C12orf56: variants seen among roughly 807,000 people sequenced by gnomAD.
C12orf56 encodes chromosome 12 open reading frame 56.
Under a neutral mutation model 69.9 loss-of-function variants are expected in C12orf56, and 71 were observed. That is an observed-to-expected ratio of 1.02 (90% CI 0.84 to 1.24). C12orf56 has a LOEUF of 1.24. Among genes scored for constraint, C12orf56 ranks in the 50% most tolerant of loss-of-function variants. The probability of loss-of-function intolerance (pLI) is 0.00; values close to 1 mark genes in which losing one functional copy is unlikely to be tolerated. For missense variants in C12orf56, 732 were observed against 738.5 expected (o/e 0.99, Z 0.10); for synonymous variants, 276 against 274.1 (o/e 1.01, Z -0.07).
At chr12:64,306,497 T>G (rs1178747435) in intron 5 of C12orf56, among the ~76,000 whole-genome samples, 3 of 150,300 alleles carry the variant, frequency 2.0e-5, no homozygotes, top group African/African-American at 4.9e-5. Flanking sequence ...CTCCTGAGAG[T>G]AGCTGGGACT....
intron 10 of C12orf56, 149 bp downstream of exon 10, chr12:64,275,149 G>T: frequency 1.3e-6 from 1 of 752,850 alleles, no homozygotes; most frequent in Non-Finnish European, 2.1e-6. Flanking sequence ...AAATCAACCA[G>T]TTTTGGAGAC....
chr12:64,321,427 A>C (rs2038771102), intron 3 of C12orf56, among the ~76,000 whole-genome samples: 1 of 152,116 alleles, frequency 6.6e-6, no homozygotes, highest in Non-Finnish European at 1.5e-5. Context: ...CTCCTGCCTC[A>C]GTCTCCCAAA....
chr12:64,390,681 C>G lies in C12orf56; in HGVS notation c.-116G>C, dbSNP rs2039858673. 7.5e-7 allele frequency: 1 copy of G among 1,341,716 alleles called. No individual in the cohort carries two copies. The allele number at this position is 1,341,716 out of a possible 1,614,324, so 83.1% of individuals were successfully genotyped here. On this transcript the variant is annotated 5_prime_UTR_variant, in exon 1 of 13. Coordinates refer to ENST00000543942, the MANE Select transcript of C12orf56 (RefSeq NM_001170633.2). ...AGCCGCCGGCCACGCGTCGCCTCCT[C>G]TCCAGGCGCGGGGACCCGGGCCGCA...
Position 64,267,274 on chromosome 12 carries a change from A to G in C12orf56, c.1778T>C (p.Met593Thr). ...TGGGAGCCTTTTCTGCAAGGCTGGCATGTGAATAAAGTACCTGCAAATCAT... is the reference window on the plus strand; with the variant it reads ...TGGGAGCCTTTTCTGCAAGGCTGGCGTGTGAATAAAGTACCTGCAAATCAT... ...YREEFRYFIH[M>T]PALQKRLPLC... Residue 593 changes from methionine (M) to threonine (T), a missense_variant, in exon 13 of 13, where the codon ATG becomes ACG. Physicochemically the swap from Met to Thr is moderately conservative, Grantham distance 81 (BLOSUM62 -1). Transcript: ENST00000543942. 1 of 1,609,726 alleles carries G rather than the reference A, an allele frequency of 6.2e-7. No individual in the cohort carries two copies. The highest frequency in any genetic ancestry group is 8.5e-7 in the Non-Finnish European group (1 of 1,178,092).
chr12:64,305,458 C>T (rs1306475078), intron 5 of C12orf56, among the ~76,000 whole-genome samples: 2 of 152,026 alleles, frequency 1.3e-5, no homozygotes, highest in Non-Finnish European at 2.9e-5. Flanking sequence ...CTTGGCTCAC[C>T]GCAACCTCCG....
At chr12:64,346,246 C>T (rs185265757) in intron 2 of C12orf56, among the ~76,000 whole-genome samples, 111 of 152,136 alleles carry the variant, frequency 7.3e-4, no homozygotes, top group African/African-American at 2.4e-3. Context: ...ACCTGGAGCC[C>T]GACGTTCGAG....
At chr12:64,284,815 A>T (rs1036432577) in intron 7 of C12orf56, 62 bp from the exon 8 acceptor site, 1 of 1,302,654 alleles carries the variant, frequency 7.7e-7, no homozygotes, top group African/African-American at 1.5e-5. Context: ...TCAGAATTCC[A>T]CAAAAGTAGT....
intron 1 of C12orf56, among the ~76,000 whole-genome samples, chr12:64,356,647 CA>C (rs1345071973): frequency 1.3e-5 from 2 of 152,048 alleles, no homozygotes; most frequent in African/African-American, 4.8e-5. Context: ...AGCAGGTGAC[CA>C]GGGGTGACTC....
At chr12:64,324,152 T>C (rs2038808379) in intron 3 of C12orf56, among the ~76,000 whole-genome samples, 2 of 152,208 alleles carry the variant, frequency 1.3e-5, no homozygotes, top group African/African-American at 4.8e-5. Flanking sequence ...GCCAATATTA[T>C]GCAAGCCAGG....
intron 2 of C12orf56, among the ~76,000 whole-genome samples, chr12:64,342,873 A>G (rs1317515100): frequency 6.6e-6 from 1 of 152,204 alleles, no homozygotes; most frequent in African/African-American, 2.4e-5. Flanking sequence ...AAAGGCTCCA[A>G]ACAGCATCTC....
rs1173115434 is a variant in C12orf56 at position 64,312,585 on chromosome 12, G to C, written c.968+94C>G. 4.3e-6 allele frequency: 4 copies of C among 933,644 alleles called. No homozygotes were observed. In the African/African-American group the frequency reaches 6.6e-5, roughly 15 times the overall value. The allele number at this position is 933,644 out of a possible 1,614,324, so 57.8% of individuals were successfully genotyped here. A position where few individuals can be genotyped will look rare whatever the true frequency, so the allele number is the denominator to read the frequency against. ...GACTGTGCCACTGCACTCCAGCCTG[G>C]GAAACAGAGTGAGACTCAGTTTCAA... is the stretch of plus-strand genomic sequence containing the variant. On this transcript the variant is annotated intron_variant, in intron 5 of 12. Coordinates refer to ENST00000543942, the MANE Select transcript of C12orf56 (RefSeq NM_001170633.2).
intron 1 of C12orf56, among the ~76,000 whole-genome samples, chr12:64,363,272 A>C (rs2039421427): frequency 6.6e-6 from 1 of 152,168 alleles, no homozygotes; most frequent in South Asian, 2.1e-4. Context: ...ACTCTAAAAC[A>C]ACCATGTTAC....
intron 1 of C12orf56, among the ~76,000 whole-genome samples, chr12:64,376,913 C>T (rs2039649376): frequency 1.3e-5 from 2 of 151,752 alleles, no homozygotes; most frequent in Non-Finnish European, 2.9e-5. Context: ...GGTAGTTCTG[C>T]CTCTAGGTCT....
At chr12:64,363,555 T>C (rs2039425733) in intron 1 of C12orf56, among the ~76,000 whole-genome samples, 2 of 152,100 alleles carry the variant, frequency 1.3e-5, no homozygotes, top group Admixed American at 1.3e-4. Context: ...AGAGGGGAAA[T>C]GGTTGCCAGA....
chr12:64,331,115 A>T, intron 2 of C12orf56, 83 bp from the exon 3 acceptor site: 1 of 1,161,720 alleles, frequency 8.6e-7, no homozygotes, highest in South Asian at 1.5e-5. Flanking sequence ...TGTACTGATT[A>T]AATGACTGTT....
chr12:64,331,073 T>C, intron 2 of C12orf56, 41 bp from the exon 3 acceptor site: 1 of 1,440,030 alleles, frequency 6.9e-7, no homozygotes, highest in Non-Finnish European at 9.4e-7. Flanking sequence ...ATTAAATAAT[T>C]TGATTGAAAT....
intron 1 of C12orf56, among the ~76,000 whole-genome samples, chr12:64,359,342 G>T (rs1438581016): frequency 6.6e-6 from 1 of 151,942 alleles, no homozygotes; most frequent in Non-Finnish European, 1.5e-5. Flanking sequence ...TCCTTACAAA[G>T]GCTCCCATGT....
intron 4 of C12orf56, among the ~76,000 whole-genome samples, chr12:64,315,275 C>G (rs892938308): frequency 2.0e-5 from 3 of 147,402 alleles, no homozygotes; most frequent in African/African-American, 5.0e-5. Flanking sequence ...GAGATATGTG[C>G]TTTTTCTTAC....
intron 2 of C12orf56, among the ~76,000 whole-genome samples, chr12:64,333,368 C>T (rs2136869119): frequency 6.6e-6 from 1 of 152,226 alleles, no homozygotes; most frequent in South Asian, 2.1e-4. Context: ...AAACCTCATT[C>T]CATCCAAATT....
Sources: allele counts gnomAD v4.1 joint callset (sites outside exome capture counted in the v4.1 genomes callset), GRCh38; gene constraint gnomAD v4.1.1; transcripts MANE v1.5; gene names NCBI Gene and HGNC (gene_info 2026-07-23, HGNC 2026-07-21).